SYCP2L: variants seen among roughly 807,000 people sequenced by gnomAD.
The protein encoded by SYCP2L is synaptonemal complex protein 2-like.
SYCP2L carries 98 observed loss-of-function variants against 125.8 expected under a neutral mutation model. That is an observed-to-expected ratio of 0.78 (90% CI 0.66 to 0.92). The LOEUF (loss-of-function observed/expected upper bound fraction) is 0.92. Among genes scored for constraint, SYCP2L ranks in the 40% least tolerant of loss-of-function variants. The probability of loss-of-function intolerance (pLI) is 0.00; values close to 1 mark genes in which losing one functional copy is unlikely to be tolerated. For synonymous variants in SYCP2L, 317 were observed against 325.4 expected, an observed-to-expected ratio of 0.97 and a Z score of 0.28; for missense variants, 842 against 936.4, an observed-to-expected ratio of 0.90 and a Z score of 1.32.
chr6:10,921,737 G>C (rs1282257148), intron 14 of SYCP2L, among the ~76,000 whole-genome samples: 3 of 148,992 alleles, frequency 2.0e-5, no homozygotes, highest in Non-Finnish European at 4.4e-5. Context: ...ATGGAGTCTC[G>C]CTCTGTCGCC....
chr6:10,927,401 C>T (rs775346946), intron 17 of SYCP2L, 34 bp downstream of exon 17: 1 of 1,564,428 alleles, frequency 6.4e-7, no homozygotes, highest in African/African-American at 1.4e-5. Context: ...AAGCATCGGC[C>T]AGGTTGAGAA....
At chr6:10,948,846 A>G (rs1561697934) in intron 23 of SYCP2L, among the ~76,000 whole-genome samples, 2 of 152,164 alleles carry the variant, frequency 1.3e-5, no homozygotes, top group African/African-American at 2.4e-5. Flanking sequence ...AAACGTTATT[A>G]TTTCAATTTC....
In SYCP2L at chr6:10,902,875, G is replaced by A. The variant is rs1282732034; in HGVS notation, c.553G>A (p.Gly185Ser). 2 of 1,613,968 alleles carry A rather than the reference G, an allele frequency of 1.2e-6. No individual in the cohort carries two copies. Among genetic ancestry groups the A allele is most frequent in the East Asian group, 4.5e-5 (2 of 44,882 alleles). ...KTVNHLLQQE[G>S]LKTFNCILHA... Reference sequence around the variant, plus strand: ...TGAATGTCTTCTCAATTCCAAAAAGGGCTTGAAGACTTTTAACTGCATTTT... The same window carrying A: ...TGAATGTCTTCTCAATTCCAAAAAGAGCTTGAAGACTTTTAACTGCATTTT... Residue 185 changes from glycine (G) to serine (S), a missense_variant and splice_region_variant, in exon 8 of 30, where the codon GGC becomes AGC. Physicochemically the swap from Gly to Ser is moderately conservative, Grantham distance 56 (BLOSUM62 0). Coordinates refer to ENST00000283141, the MANE Select transcript of SYCP2L (RefSeq NM_001040274.3).
At chr6:10,894,039 G>A in intron 3 of SYCP2L, 35 bp downstream of exon 3, 1 of 1,603,256 alleles carries the variant, frequency 6.2e-7, no homozygotes, top group Non-Finnish European at 8.5e-7. Context: ...AAATACAAAT[G>A]TATAATTATT....
chr6:10,958,679 A>G lies in SYCP2L; in HGVS notation c.2164-105A>G, dbSNP rs193118789. 4.0e-3 allele frequency: 4,136 copies of G among 1,045,204 alleles called. 17 individuals are homozygous for G. Among genetic ancestry groups the G allele is most frequent in the Non-Finnish European group, 4.8e-3 (3,423 of 715,122 alleles). The allele number at this position is 1,045,204 out of a possible 1,614,324, so 64.7% of individuals were successfully genotyped here. On this transcript the variant is annotated intron_variant, in intron 25 of 29. Coordinates refer to ENST00000283141, the MANE Select transcript of SYCP2L (RefSeq NM_001040274.3). ...CACTTGCTTAGCACTCACATTTGCT[A>G]TGAATATTATTACATGCTGGCAGCA...
intron 29 of SYCP2L, among the ~76,000 whole-genome samples, chr6:10,968,802 G>A (rs1233352480): frequency 6.6e-6 from 1 of 152,142 alleles, no homozygotes; most frequent in African/African-American, 2.4e-5. Flanking sequence ...AAAGCAAGGG[G>A]ATTTGAGACC....
chr6:10,972,183 A>G (rs993970848), intron 29 of SYCP2L, among the ~76,000 whole-genome samples: 4 of 152,348 alleles, frequency 2.6e-5, no homozygotes, highest in Non-Finnish European at 4.4e-5. Flanking sequence ...TTTGTAGTGA[A>G]TATCTTTGTA....
intron 4 of SYCP2L, among the ~76,000 whole-genome samples, chr6:10,894,749 G>A (rs994539673): frequency 6.6e-6 from 1 of 152,088 alleles, no homozygotes; most frequent in African/African-American, 2.4e-5. Flanking sequence ...CCTTTATAAC[G>A]GCATCTGGAA....
At chr6:10,904,425 AT>A (rs1172698975) in intron 8 of SYCP2L, among the ~76,000 whole-genome samples, 1 of 152,204 alleles carries the variant, frequency 6.6e-6, no homozygotes, top group Non-Finnish European at 1.5e-5. Flanking sequence ...GAAATGGGTG[AT>A]TTGTGAGCAT....
intron 24 of SYCP2L, among the ~76,000 whole-genome samples, chr6:10,955,783 G>A (rs1407790315): frequency 6.6e-6 from 1 of 152,158 alleles, no homozygotes; most frequent in African/African-American, 2.4e-5. Context: ...CTTAATTGAT[G>A]CTTGCAAATC....
intron 18 of SYCP2L, 162 bp from the exon 19 acceptor site, chr6:10,930,208 C>A (rs906876808): frequency 1.6e-6 from 1 of 629,348 alleles, no homozygotes; most frequent in Non-Finnish European, 2.5e-6. Context: ...TGGAATAATC[C>A]TTTTCTTCCA....
At chr6:10,923,284 T>C (rs1457118945) in intron 14 of SYCP2L, among the ~76,000 whole-genome samples, 6 of 152,080 alleles carry the variant, frequency 3.9e-5, no homozygotes, top group Non-Finnish European at 5.9e-5. Context: ...GAATTTGGTC[T>C]AAGCCATTTT....
intron 4 of SYCP2L, among the ~76,000 whole-genome samples, chr6:10,897,788 T>C (rs1780282541): frequency 6.6e-6 from 1 of 152,180 alleles, no homozygotes; most frequent in African/African-American, 2.4e-5. Context: ...GACTCTTATT[T>C]TGTGCTGATC....
chr6:10,958,967 T>C, intron 26 of SYCP2L, 92 bp downstream of exon 26: 1 of 1,069,980 alleles, frequency 9.3e-7, no homozygotes, highest in Non-Finnish European at 1.4e-6. Flanking sequence ...CCCTGAGGAG[T>C]TGGGGCCTGA....
intron 29 of SYCP2L, among the ~76,000 whole-genome samples, chr6:10,971,481 AAAG>A (rs1205835390): frequency 6.6e-6 from 1 of 151,356 alleles, no homozygotes; most frequent in African/African-American, 2.4e-5. Flanking sequence ...AAAAAGAAAG[AAAG>A]AAAGATAGGA....
chr6:10,904,949 C>G (rs1780458315), intron 8 of SYCP2L, among the ~76,000 whole-genome samples: 1 of 151,778 alleles, frequency 6.6e-6, no homozygotes, highest in Non-Finnish European at 1.5e-5. Context: ...CGAGACCAGC[C>G]TGACCAACAT....
intron 21 of SYCP2L, among the ~76,000 whole-genome samples, chr6:10,935,655 C>T (rs139880891): frequency 1.1e-3 from 170 of 151,922 alleles, no homozygotes; most frequent in African/African-American, 3.6e-3. Context: ...CTCCCATGCC[C>T]GGCTAATTTT....
At chr6:10,964,999 G>A (rs1000418867) in intron 29 of SYCP2L, among the ~76,000 whole-genome samples, 1 of 152,168 alleles carries the variant, frequency 6.6e-6, no homozygotes, top group African/African-American at 2.4e-5. Context: ...AGACTTCATT[G>A]TCCATGTTGA....
intron 8 of SYCP2L, among the ~76,000 whole-genome samples, chr6:10,903,287 G>T (rs942302950): frequency 6.6e-6 from 1 of 152,024 alleles, no homozygotes; most frequent in Admixed American, 6.5e-5. Context: ...GGTGGCTCAC[G>T]CCTGTAATCC....
Sources: allele counts gnomAD v4.1 joint callset (sites outside exome capture counted in the v4.1 genomes callset), GRCh38; gene constraint gnomAD v4.1.1; transcripts MANE v1.5; gene names NCBI Gene and HGNC (gene_info 2026-07-23, HGNC 2026-07-21).